Variants in RBBP4 observed in about 807,000 individuals in gnomAD.
RBBP4 encodes histone-binding protein RBBP4.
RBBP4 carries 3 observed loss-of-function variants against 57.2 expected under a neutral mutation model. The observed-to-expected ratio is 0.05, with a 90% CI of 0.02 to 0.14. RBBP4 has a LOEUF of 0.14. RBBP4 is among the 10% of genes least tolerant of loss of function. The probability of loss-of-function intolerance (pLI) is 1.00; values close to 1 mark genes in which losing one functional copy is unlikely to be tolerated. For synonymous variants in RBBP4, 151 were observed against 171.5 expected, an observed-to-expected ratio of 0.88 and a Z score of 0.93; for missense variants, 107 against 520.6, an observed-to-expected ratio of 0.21 and a Z score of 7.73.
chr1:32,661,212 C>T (rs868047915), intron 3 of RBBP4, among the ~76,000 whole-genome samples: 1 of 151,800 alleles, frequency 6.6e-6, no homozygotes, highest in African/African-American at 2.4e-5. Flanking sequence ...TACAAGTGCA[C>T]GTGTCTTTTT....
rs1649701993 is a variant in RBBP4 at position 32,684,737 on chromosome 1, G to A, written c.*5032G>A. On this transcript the variant is annotated 3_prime_UTR_variant, in exon 12 of 12. Transcript: ENST00000373493. The stretch of plus-strand genomic sequence containing the variant: ...TCATATACCTCTCCCTCCATGTGCA[G>A]GTTTGTTAAGATAATTGGTAGTTTT... The A allele has an allele frequency of 5.7e-6, 1 of 176,928 alleles. No homozygotes were observed. The highest frequency in any genetic ancestry group is 5.7e-5 in the Admixed American group (1 of 17,452). The allele number at this position is 176,928 out of a possible 1,614,324, so 11.0% of individuals were successfully genotyped here.
At chr1:32,678,553 A>G (rs1381113422) in intron 11 of RBBP4, among the ~76,000 whole-genome samples, 1 of 143,690 alleles carries the variant, frequency 7.0e-6, no homozygotes, top group Non-Finnish European at 1.5e-5. Flanking sequence ...ATAAAATCCT[A>G]AAGTATGTGA....
chr1:32,683,930 G>T lies in RBBP4; in HGVS notation c.*4225G>T. 1 of 1,438,550 alleles carries T rather than the reference G, an allele frequency of 7.0e-7. No individual in the cohort carries two copies. Among genetic ancestry groups the T allele is most frequent in the African/African-American group, 1.4e-5 (1 of 71,660 alleles). 89.1% of individuals were successfully genotyped at this position (1,438,550 alleles called of 1,614,324 possible). Reference sequence around the variant, plus strand: ...TTACAGGCGTGAGCCACCCCGTCCGGCCTGTTTTTAAGGCATTAATTAGTA... The same window carrying T: ...TTACAGGCGTGAGCCACCCCGTCCGTCCTGTTTTTAAGGCATTAATTAGTA... On this transcript the variant is annotated 3_prime_UTR_variant, in exon 12 of 12. Transcript: ENST00000373493.
At position 32,669,182 on chromosome 1, in the gene RBBP4, T is replaced by A; in HGVS notation, c.762-49T>A. On this transcript the variant is annotated intron_variant, in intron 6 of 11. Transcript: ENST00000373493. This position sits in a 1 kb window ranked among gnomAD's most constrained non-coding sequence, Gnocchi z 4.9. The stretch of plus-strand genomic sequence containing the variant: ...CTAAATATCTTGTCTAAGTTTTATG[T>A]TTAGTCACCATTTCAAGGTTTTTTT... The A allele has an allele frequency of 1.2e-6, 2 of 1,611,220 alleles. No individual in the cohort carries two copies. The highest frequency in any genetic ancestry group is 1.7e-6 in the Non-Finnish European group (2 of 1,179,114).
At chr1:32,659,007 AGTT>A (rs1430082962) in intron 3 of RBBP4, among the ~76,000 whole-genome samples, 51 of 147,554 alleles carry the variant, frequency 3.5e-4, no homozygotes, top group African/African-American at 9.6e-4. Context: ...TGTAAAATAT[AGTT>A]ATATATAATT....
chr1:32,676,331 G>A (rs1311594434), intron 11 of RBBP4, among the ~76,000 whole-genome samples: 1 of 149,524 alleles, frequency 6.7e-6, no homozygotes, highest in Non-Finnish European at 1.5e-5. Flanking sequence ...CTGGCCAGGT[G>A]TGGTGGCTCA....
chr1:32,652,114 C>T, intron 2 of RBBP4, 53 bp downstream of exon 2: 2 of 1,542,200 alleles, frequency 1.3e-6, no homozygotes, highest in Non-Finnish European at 1.8e-6. Flanking sequence ...GTAGATTTCT[C>T]ATATTGATTT....
rs1231916956 is a variant in RBBP4 at position 32,684,084 on chromosome 1, A to G, written c.*4379A>G. 1 of 1,611,042 alleles carries G rather than the reference A, an allele frequency of 6.2e-7. No homozygotes were observed. The highest frequency in any genetic ancestry group is 8.5e-7 in the Non-Finnish European group (1 of 1,179,938). The stretch of plus-strand genomic sequence containing the variant: ...CTGTTCCAGGCTCTTGGGTAGTAGC[A>G]TAGCCCTTTAAAAAGAGAGAGCCAT... On this transcript the variant is annotated 3_prime_UTR_variant, in exon 12 of 12. Transcript: ENST00000373493.
Position 32,672,912 on chromosome 1 carries a change from A to C in RBBP4, c.1212+11A>C, listed in dbSNP as rs370049562. On this transcript the variant is annotated intron_variant, in intron 11 of 11. Transcript: ENST00000373493. ...CAAGTGTGGCAAATGGTAAGGGTTT[A>C]GTAATTTATTTTGGGGAGGTGAAAT... The C allele has an allele frequency of 1.3e-6, 2 of 1,587,962 alleles. No homozygotes were observed. The highest frequency in any genetic ancestry group is 2.7e-5 in the African/African-American group (2 of 74,236).
intron 11 of RBBP4, among the ~76,000 whole-genome samples, chr1:32,679,438 A>AATTAATTAATATT (rs1649281697): frequency 6.6e-6 from 1 of 152,194 alleles, no homozygotes; most frequent in Non-Finnish European, 1.5e-5. Context: ...TTGGAACATG[A>AATTAATTAATATT]TCATGCTAAT....
At chr1:32,655,015 G>T (rs567670023) in intron 2 of RBBP4, among the ~76,000 whole-genome samples, 2 of 152,082 alleles carry the variant, frequency 1.3e-5, no homozygotes, top group Admixed American at 6.6e-5. Flanking sequence ...TTTGAGACAG[G>T]ATCTTGCTTT....
intron 11 of RBBP4, among the ~76,000 whole-genome samples, chr1:32,676,957 G>A (rs2148532797): frequency 6.6e-6 from 1 of 152,130 alleles, no homozygotes; most frequent in South Asian, 2.1e-4. Context: ...AAAAAATACT[G>A]AAGAATTCAA....
chr1:32,683,774 A>G lies in RBBP4; in HGVS notation c.*4069A>G, dbSNP rs1649610870. Reference sequence around the variant, plus strand: ...TGGCCTCCTGAGTAGCTGGGATTATAAGTGCCTGCCACTATGCCCGGCTAA... The same window carrying G: ...TGGCCTCCTGAGTAGCTGGGATTATGAGTGCCTGCCACTATGCCCGGCTAA... On this transcript the variant is annotated 3_prime_UTR_variant, in exon 12 of 12. Transcript: ENST00000373493. The G allele has an allele frequency of 2.2e-6, 1 of 445,994 alleles. No individual in the cohort carries two copies. The highest frequency in any genetic ancestry group is 4.1e-6 in the Non-Finnish European group (1 of 243,870). 27.6% of individuals were successfully genotyped at this position (445,994 alleles called of 1,614,324 possible). A position where few individuals can be genotyped will look rare whatever the true frequency, so the allele number is the denominator to read the frequency against.
At chr1:32,667,213 C>T (rs1308463710) in intron 3 of RBBP4, among the ~76,000 whole-genome samples, 2 of 152,214 alleles carry the variant, frequency 1.3e-5, no homozygotes, top group African/African-American at 2.4e-5. Flanking sequence ...GCTCCTTGTC[C>T]ACTTTCATGT....
Position 32,683,790 on chromosome 1 carries a change from G to A in RBBP4, c.*4085G>A. On this transcript the variant is annotated 3_prime_UTR_variant, in exon 12 of 12. Transcript: ENST00000373493. Reference sequence around the variant, plus strand: ...TGGGATTATAAGTGCCTGCCACTATGCCCGGCTAATTTTTGTATTTTTAGT... The same window carrying A: ...TGGGATTATAAGTGCCTGCCACTATACCCGGCTAATTTTTGTATTTTTAGT... 1 of 494,916 alleles carries A rather than the reference G, an allele frequency of 2.0e-6. No individual in the cohort carries two copies. The highest frequency in any genetic ancestry group is 1.9e-5 in the African/African-American group (1 of 51,304). The allele number at this position is 494,916 out of a possible 1,614,324, so 30.7% of individuals were successfully genotyped here. A position where few individuals can be genotyped will look rare whatever the true frequency, so the allele number is the denominator to read the frequency against.
rs1473620100 is a variant in RBBP4, at chr1:32,682,225, G to C, written c.*2520G>C. ...AAGGTTATAATTTCTCAAACATTAAGCATATTATCAGTCATGTGGATTCAA... is the reference window on the plus strand; with the variant it reads ...AAGGTTATAATTTCTCAAACATTAACCATATTATCAGTCATGTGGATTCAA... On this transcript the variant is annotated 3_prime_UTR_variant, in exon 12 of 12. Coordinates refer to ENST00000373493, the MANE Select transcript of RBBP4 (RefSeq NM_005610.3). 1 of 222,732 alleles carries C rather than the reference G, an allele frequency of 4.5e-6. No individual in the cohort carries two copies. Among genetic ancestry groups the C allele is most frequent in the Admixed American group, 5.6e-5 (1 of 17,930 alleles). The allele number at this position is 222,732 out of a possible 1,614,324, so 13.8% of individuals were successfully genotyped here. A position where few individuals can be genotyped will look rare whatever the true frequency, so the allele number is the denominator to read the frequency against.
Position 32,682,171 on chromosome 1 carries a change from G to T in RBBP4, c.*2466G>T, listed in dbSNP as rs776217309. 2 of 310,358 alleles carry T rather than the reference G, an allele frequency of 6.4e-6. No individual in the cohort carries two copies. Among genetic ancestry groups the T allele is most frequent in the Admixed American group, 4.8e-5 (1 of 20,776 alleles). The allele number at this position is 310,358 out of a possible 1,614,324, so 19.2% of individuals were successfully genotyped here. Reference sequence around the variant, plus strand: ...TGTACACAATCTGATCAACACAAAGGTAGTTAGTAGATCATTAACCTCAAT... The same window carrying T: ...TGTACACAATCTGATCAACACAAAGTTAGTTAGTAGATCATTAACCTCAAT... On this transcript the variant is annotated 3_prime_UTR_variant, in exon 12 of 12. Coordinates refer to ENST00000373493, the MANE Select transcript of RBBP4 (RefSeq NM_005610.3).
chr1:32,658,718 T>C (rs1648255502), intron 3 of RBBP4, among the ~76,000 whole-genome samples: 1 of 151,910 alleles, frequency 6.6e-6, no homozygotes, highest in South Asian at 2.1e-4. Flanking sequence ...GGCTAATTTT[T>C]TGTATTTTTA....
intron 3 of RBBP4, chr1:32,662,168 G>T: frequency 3.3e-6 from 1 of 304,780 alleles, no homozygotes; most frequent in Non-Finnish European, 6.7e-6. Context: ...ACAGGCTTGA[G>T]CCACCGCGCC....
Sources: gnomAD v4.1 joint callset for allele counts (sites outside exome capture counted in the v4.1 genomes callset) on GRCh38, gnomAD v4.1.1 for gene constraint, Gnocchi (gnomAD v3.1) non-coding constraint, MANE v1.5 for transcripts, NCBI Gene and HGNC (gene_info 2026-07-23, HGNC 2026-07-21) for gene names.